The following SHC3 variants were observed in gnomAD, a reference collection of about 807,000 sequenced individuals.
SHC3 encodes the protein SHC-transforming protein 3.
Under a neutral mutation model 60.4 loss-of-function variants are expected in SHC3, and 15 were observed. The observed-to-expected ratio is 0.25, with a 90% CI of 0.17 to 0.38. The LOEUF (loss-of-function observed/expected upper bound fraction) is 0.38, where lower values mean the gene tolerates loss of function less well. Ranked by LOEUF, SHC3 falls within the 10% of genes least tolerant of loss-of-function variation. SHC3 has a pLI of 1.00. For missense variants in SHC3, 677 were observed against 786.1 expected (o/e 0.86, Z 1.66); for synonymous variants, 294 against 325.9 (o/e 0.90, Z 1.05).
At chr9:89,142,654 C>T (rs1011745413) in intron 1 of SHC3, among the ~76,000 whole-genome samples, 6 of 138,434 alleles carry the variant, frequency 4.3e-5, no homozygotes, top group East Asian at 2.1e-4. Context: ...CCAGCCTGGG[C>T]GACAGAGTGA....
chr9:89,038,140 C>T lies in SHC3; in HGVS notation c.1509G>A (p.Glu503=). The T allele has an allele frequency of 1.2e-6, 2 of 1,614,118 alleles. No homozygotes were observed. The highest frequency in any genetic ancestry group is 1.7e-6 in the Non-Finnish European group (2 of 1,180,024). ...ELQAETWYQG[E]MSRKEAEGLL... ...GCCCCTCTGCCTCCTTCCTGCTCAT[C>T]TCTCCTTGGTACCAAGTCTCGGCTT... Residue 503 remains glutamate (E), a synonymous_variant, in exon 11 of 12, where the codon GAG becomes GAA. Coordinates refer to ENST00000375835, the MANE Select transcript of SHC3 (RefSeq NM_016848.6).
In SHC3 at chr9:89,033,428, A is replaced by G. The variant is rs537956138; in HGVS notation, c.1656+4565T>C. On this transcript the variant is annotated intron_variant, in intron 11 of 11. Coordinates refer to ENST00000375835, the MANE Select transcript of SHC3 (RefSeq NM_016848.6). ...GGTATCTTCTCCCCTATTTTCTTTT[A>G]GATAACCACAACTGTTAGTCTATGC... Among the ~76,000 whole-genome samples, 8 of 152,228 alleles carry G rather than the reference A, an allele frequency of 5.3e-5. No homozygotes were observed. The East Asian group carries it at 1.5e-3, about 29-fold the overall frequency.
chr9:89,148,224 G>A (rs148440641), intron 1 of SHC3, among the ~76,000 whole-genome samples: 93 of 152,192 alleles, frequency 6.1e-4, no homozygotes, highest in African/African-American at 2.0e-3. Flanking sequence ...CTGGAATTTC[G>A]ATATTTCGCG....
intron 11 of SHC3, among the ~76,000 whole-genome samples, chr9:89,014,125 C>A (rs944484): frequency 0.85 from 129,630 of 152,132 alleles, 56,067 homozygotes; most frequent in Non-Finnish European, 0.92. Context: ...CCCAGAGGAG[C>A]TCCTGTTGCC....
intron 6 of SHC3, among the ~76,000 whole-genome samples, chr9:89,053,543 G>C (rs1824897339): frequency 6.6e-6 from 1 of 152,116 alleles, no homozygotes; most frequent in Non-Finnish European, 1.5e-5. Flanking sequence ...CCAGACTCCA[G>C]GGCAGGGAGA....
chr9:89,084,131 G>A (rs1431283138), intron 2 of SHC3, among the ~76,000 whole-genome samples: 1 of 152,132 alleles, frequency 6.6e-6, no homozygotes, highest in Non-Finnish European at 1.5e-5. Flanking sequence ...CTTGTATGTT[G>A]CAGACATAAC....
At chr9:89,107,748 A>T (rs966252158) in intron 2 of SHC3, among the ~76,000 whole-genome samples, 1 of 152,224 alleles carries the variant, frequency 6.6e-6, no homozygotes. Flanking sequence ...GTGGGGTGGT[A>T]GGTAATTCAC....
At chr9:89,084,722 A>G (rs570699971) in intron 2 of SHC3, among the ~76,000 whole-genome samples, 4 of 152,308 alleles carry the variant, frequency 2.6e-5, no homozygotes, top group African/African-American at 7.2e-5. Flanking sequence ...CGATATGCCA[A>G]TCAAGGGGAG....
In SHC3 at chr9:89,010,668, G is replaced by C. The variant is rs1484631078; in HGVS notation, c.*2779C>G. On this transcript the variant is annotated 3_prime_UTR_variant, in exon 12 of 12. Transcript: ENST00000375835. Reference sequence around the variant, plus strand: ...CAGCGACTGTGCCCTGGAAGCCTGAGGCCCTGGAACGCAAGGCCTAATGCC... The same window carrying C: ...CAGCGACTGTGCCCTGGAAGCCTGACGCCCTGGAACGCAAGGCCTAATGCC... 1 of 152,356 alleles carries C rather than the reference G, an allele frequency of 6.6e-6. No individual in the cohort carries two copies. The highest frequency in any genetic ancestry group is 1.5e-5 in the Non-Finnish European group (1 of 68,134). 9.4% of individuals were successfully genotyped at this position (152,356 alleles called of 1,614,324 possible). A position where few individuals can be genotyped will look rare whatever the true frequency, so the allele number is the denominator to read the frequency against.
intron 1 of SHC3, among the ~76,000 whole-genome samples, chr9:89,151,430 G>T (rs1161733648): frequency 6.6e-6 from 1 of 152,124 alleles, no homozygotes; most frequent in Non-Finnish European, 1.5e-5. Context: ...GAGGTTGAAG[G>T]GAGCACTTGT....
intron 11 of SHC3, among the ~76,000 whole-genome samples, chr9:89,024,785 C>T (rs1465034275): frequency 1.3e-5 from 2 of 152,228 alleles, no homozygotes; most frequent in African/African-American, 4.8e-5. Flanking sequence ...TGGACATCAG[C>T]AGAGCCTCCT....
At chr9:89,110,007 AAT>A (rs1825922877) in intron 2 of SHC3, 1 of 985,352 alleles carries the variant, frequency 1.0e-6, no homozygotes, top group Admixed American at 6.1e-5. Flanking sequence ...TCTGAACTGC[AAT>A]ATACACATAC....
At chr9:89,165,220 AAAG>A (rs1167898089) in intron 1 of SHC3, among the ~76,000 whole-genome samples, 2 of 152,062 alleles carry the variant, frequency 1.3e-5, no homozygotes, top group African/African-American at 2.4e-5. Context: ...GTGTAAAAGA[AAAG>A]AAGAAAAGAT....
intron 1 of SHC3, among the ~76,000 whole-genome samples, chr9:89,120,333 T>C (rs1241917336): frequency 6.6e-6 from 1 of 152,092 alleles, no homozygotes; most frequent in Non-Finnish European, 1.5e-5. Flanking sequence ...AAACCTTTAA[T>C]ATCCAGGGTA....
chr9:89,014,967 C>A (rs887082550), intron 11 of SHC3, among the ~76,000 whole-genome samples: 1 of 152,196 alleles, frequency 6.6e-6, no homozygotes, highest in Non-Finnish European at 1.5e-5. Context: ...CCCTCTCCCC[C>A]CATCTCTGTA....
chr9:89,073,328 A>G (rs986531791), intron 4 of SHC3, among the ~76,000 whole-genome samples: 3 of 152,160 alleles, frequency 2.0e-5, no homozygotes, highest in Non-Finnish European at 2.9e-5. Flanking sequence ...GAAATTGAAA[A>G]CCAGGGTAAG....
At chr9:89,152,868 T>C (rs1826563342) in intron 1 of SHC3, among the ~76,000 whole-genome samples, 1 of 152,252 alleles carries the variant, frequency 6.6e-6, no homozygotes, top group African/African-American at 2.4e-5. Context: ...AAAAATGGGC[T>C]ATACTTAATA....
chr9:89,078,525 G>A lies in SHC3; in HGVS notation c.546-622C>T, dbSNP rs150356938. Among the ~76,000 whole-genome samples the A allele has an allele frequency of 1.5e-3, 227 of 152,298 alleles. 1 individual carries two copies. The highest frequency in any genetic ancestry group is 5.0e-3 in the African/African-American group (208 of 41,560). ...ACCGCACTGGTGAGGCTGCTGGGAC[G>A]TGCAGGCATGGGTCCCGGTGGAGGA... On this transcript the variant is annotated intron_variant, in intron 2 of 11. Transcript: ENST00000375835.
intron 1 of SHC3, among the ~76,000 whole-genome samples, chr9:89,161,916 A>G (rs1314188708): frequency 3.2e-5 from 3 of 92,616 alleles, no homozygotes; most frequent in South Asian, 4.2e-4. Context: ...AAATCAATGT[A>G]CAAAAATCAC....
Sources: allele counts gnomAD v4.1 joint callset (sites outside exome capture counted in the v4.1 genomes callset), GRCh38; gene constraint gnomAD v4.1.1; transcripts MANE v1.5; gene names NCBI Gene and HGNC (gene_info 2026-07-23, HGNC 2026-07-21).